The following ZNF592 variants were observed in gnomAD, a reference collection of about 807,000 sequenced individuals.
ZNF592 encodes the protein zinc finger protein 592.
In ZNF592, 11 loss-of-function variants were observed where a neutral mutation model predicts 80.3. That is an observed-to-expected ratio of 0.14 (90% CI 0.09 to 0.23). The LOEUF is 0.23. ZNF592 is among the 10% of genes least tolerant of loss of function. ZNF592 has a pLI of 1.00. For synonymous variants in ZNF592, 646 were observed against 640.3 expected, an observed-to-expected ratio of 1.01 and a Z score of -0.13; for missense variants, 1,420 against 1,633.9, an observed-to-expected ratio of 0.87 and a Z score of 2.26.
rs1567076451 is a variant in ZNF592 at position 84,796,295 on chromosome 15, A to AT, written c.2400-1574_2400-1573insT. Reference sequence around the variant, plus strand: ...TATATATATATATATATATATATATAAAAAAACGAAGGGTAACATTCAGGA... The same window carrying AT: ...TATATATATATATATATATATATATATAAAAAACGAAGGGTAACATTCAGGA... On this transcript the variant is annotated intron_variant, in intron 5 of 10. Transcript: ENST00000560079. Among the ~76,000 whole-genome samples, 176 of 45,492 alleles carry AT rather than the reference A, an allele frequency of 3.9e-3. 1 individual carries two copies. Among genetic ancestry groups the AT allele is most frequent in the East Asian group, 7.6e-3 (8 of 1,056 alleles). 29.8% of individuals were successfully genotyped at this position (45,492 alleles called of 152,430 possible).
In ZNF592 at chr15:84,782,992, A is replaced by T; in HGVS notation, c.317A>T (p.Asn106Ile). The T allele has an allele frequency of 1.2e-6, 2 of 1,614,094 alleles. No homozygotes were observed. The highest frequency in any genetic ancestry group is 1.7e-6 in the Non-Finnish European group (2 of 1,180,012). ...RGSDLPPDPH[N>I]CGKFDSTFMN... ...TCAGATCTGCCTCCAGATCCCCACA[A>T]CTGTGGGAAATTTGATTCTACTTTT... The change falls in exon 4 of 11, where the codon AAC becomes ATC. Residue 106 changes from asparagine (N) to isoleucine (I), a missense_variant. Physicochemically the swap from Asn to Ile is moderately radical, Grantham distance 149. Transcript: ENST00000560079.
At chr15:84,751,878 C>T (rs934443684) in intron 1 of ZNF592, among the ~76,000 whole-genome samples, 4 of 152,106 alleles carry the variant, frequency 2.6e-5, no homozygotes, top group African/African-American at 9.7e-5. Flanking sequence ...GCACTCTAGC[C>T]TGGGTGACAG....
At chr15:84,748,783 A>T (rs1242772031) in intron 1 of ZNF592, 119 bp downstream of exon 1, 1 of 146,726 alleles carries the variant, frequency 6.8e-6, no homozygotes, top group Non-Finnish European at 1.5e-5. Context: ...CCGGCCCTGC[A>T]GCCTGGCGGA....
rs758586555 is a variant in ZNF592 at position 84,804,996 on chromosome 15, C to T, written c.*2603C>T. 3.3e-5 allele frequency: 5 copies of T among 152,150 alleles called. No homozygotes were observed. The highest frequency in any genetic ancestry group is 2.1e-4 in the South Asian group (1 of 4,822). 9.4% of individuals were successfully genotyped at this position (152,150 alleles called of 1,614,324 possible). On this transcript the variant is annotated 3_prime_UTR_variant, in exon 11 of 11. Transcript: ENST00000560079. ...AGTCAAGCCTGTCAACCACTGTGCT[C>T]GTTAGTGACCAAGGCTGCTTTGACA...
Position 84,799,171 on chromosome 15 carries a change from G to A in ZNF592, c.3098G>A (p.Arg1033His), listed in dbSNP as rs1963021339. 4.3e-6 allele frequency: 7 copies of A among 1,614,052 alleles called. No individual in the cohort carries two copies. Among genetic ancestry groups the A allele is most frequent in the African/African-American group, 1.3e-5 (1 of 75,006 alleles). ...HTPNSLRKHIRNNHDTVKKFY... is the reference protein window; with the variant it reads ...HTPNSLRKHIHNNHDTVKKFY... ...CCCAACAGCCTGCGCAAACACATCC[G>A]CAACAACCATGACACAGTAAAGAAG... is the stretch of plus-strand genomic sequence containing the variant. Residue 1033 changes from arginine (R) to histidine (H), a missense_variant, in exon 9 of 11, where the codon CGC becomes CAC. This residue lies in a region of ZNF592 where 331 missense variants were observed against 347.0 expected (regional missense o/e 0.95). Transcript: ENST00000560079. The surrounding 1 kb of genome is among the most constrained non-coding windows in gnomAD (Gnocchi z 4.2).
intron 4 of ZNF592, among the ~76,000 whole-genome samples, chr15:84,787,336 C>A (rs1293773063): frequency 6.6e-6 from 1 of 152,168 alleles, no homozygotes; most frequent in Non-Finnish European, 1.5e-5. Context: ...TCAGCCAGCT[C>A]CAAATCCCTC....
At position 84,784,030 on chromosome 15, in the gene ZNF592, T is replaced by C. The variant is rs1962505901; in HGVS notation, c.1355T>C (p.Met452Thr). 1 of 1,611,862 alleles carries C rather than the reference T, an allele frequency of 6.2e-7. No individual in the cohort carries two copies. Among genetic ancestry groups the C allele is most frequent in the Non-Finnish European group, 8.5e-7 (1 of 1,178,352 alleles). The stretch of plus-strand genomic sequence containing the variant: ...GGGGCCAGGAAAGGGGACGAGAGCA[T>C]GACAAAGGCCAGTGACTCGTCATCT... ...PQGARKGDES[M>T]TKASDSSSPS... The change falls in exon 4 of 11, where the codon ATG becomes ACG. Residue 452 changes from methionine to threonine, a missense_variant. Physicochemically the swap from Met to Thr is moderately conservative, Grantham distance 81 (BLOSUM62 -1). Coordinates refer to ENST00000560079, the MANE Select transcript of ZNF592 (RefSeq NM_014630.3). The surrounding 1 kb of genome is among the most constrained non-coding windows in gnomAD (Gnocchi z 5.8).
Position 84,802,657 on chromosome 15 carries a change from C to T in ZNF592, c.*264C>T, listed in dbSNP as rs925168299. On this transcript the variant is annotated 3_prime_UTR_variant, in exon 11 of 11. Transcript: ENST00000560079. ...TTGGTGCCCCATCTCTTGTCTGTGTCCTTCCAACCCCAAGCTGCTTATGTG... is the reference window on the plus strand; with the variant it reads ...TTGGTGCCCCATCTCTTGTCTGTGTTCTTCCAACCCCAAGCTGCTTATGTG... The T allele has an allele frequency of 3.2e-5, 17 of 532,254 alleles. No individual in the cohort carries two copies. The highest frequency in any genetic ancestry group is 2.0e-4 in the East Asian group (6 of 29,728). The allele number at this position is 532,254 out of a possible 1,614,324, so 33.0% of individuals were successfully genotyped here.
chr15:84,769,131 G>C (rs1899625196), intron 2 of ZNF592, among the ~76,000 whole-genome samples: 1 of 151,998 alleles, frequency 6.6e-6, no homozygotes, highest in African/African-American at 2.4e-5. Context: ...AGTAGAGACA[G>C]GGTTTCACCA....
rs1176419131 is a variant in ZNF592 at position 84,782,724 on chromosome 15, G to C, written c.49G>C (p.Asp17His). 1 of 1,613,952 alleles carries C rather than the reference G, an allele frequency of 6.2e-7. No individual in the cohort carries two copies. Among genetic ancestry groups the C allele is most frequent in the African/African-American group, 1.3e-5 (1 of 74,848 alleles). ...TTTTGATGACCTTCTGGCTGCCTTT[G>C]ACATCCCAGACCCCACCAGCCTTGA... ...PDFDDLLAAF[D>H]IPDPTSLDAK... Residue 17 changes from aspartate (D) to histidine (H), a missense_variant, in exon 4 of 11, where the codon GAC becomes CAC. Coordinates refer to ENST00000560079, the MANE Select transcript of ZNF592 (RefSeq NM_014630.3).
intron 1 of ZNF592, 61 bp downstream of exon 1, chr15:84,748,725 G>A (rs1448770349): frequency 6.8e-6 from 1 of 147,850 alleles, no homozygotes. Flanking sequence ...CCCCAGCCTG[G>A]GCCCGGGAGG....
Position 84,778,276 on chromosome 15 carries a change from A to G in ZNF592, c.-56A>G. The G allele has an allele frequency of 3.5e-6, 1 of 286,368 alleles. No homozygotes were observed. Among genetic ancestry groups the G allele is most frequent in the Non-Finnish European group, 6.9e-6 (1 of 144,006 alleles). The allele number at this position is 286,368 out of a possible 1,614,324, so 17.7% of individuals were successfully genotyped here. On this transcript the variant is annotated 5_prime_UTR_variant, in exon 3 of 11. Transcript: ENST00000560079. The stretch of plus-strand genomic sequence containing the variant: ...AGAGGGAGGGGGGGCTCCAAAGCCG[A>G]AAGAGGAGGTCCCTACCTGCCACGG...
At chr15:84,787,905 C>T (rs1009799009) in intron 4 of ZNF592, among the ~76,000 whole-genome samples, 2 of 152,170 alleles carry the variant, frequency 1.3e-5, no homozygotes, top group East Asian at 1.9e-4. Flanking sequence ...CTAGTAGGCA[C>T]CCTCTTTTCA....
At chr15:84,775,315 C>G (rs1247329113) in intron 2 of ZNF592, among the ~76,000 whole-genome samples, 1 of 151,906 alleles carries the variant, frequency 6.6e-6, no homozygotes. Context: ...AGGCTAGTGT[C>G]GAACTCCTGA....
intron 4 of ZNF592, among the ~76,000 whole-genome samples, chr15:84,785,332 G>C (rs1328295640): frequency 6.6e-6 from 1 of 150,668 alleles, no homozygotes; most frequent in Non-Finnish European, 1.5e-5. Context: ...TTTTTCTTGA[G>C]ACGGAGTCTC....
chr15:84,794,078 C>CTGGG (rs1962824772), intron 5 of ZNF592, among the ~76,000 whole-genome samples: 1 of 151,882 alleles, frequency 6.6e-6, no homozygotes, highest in South Asian at 2.1e-4. Context: ...ACATCACACA[C>CTGGG]TGGGGCCTGT....
At chr15:84,778,852 A>T (rs537954996) in intron 3 of ZNF592, among the ~76,000 whole-genome samples, 1 of 152,188 alleles carries the variant, frequency 6.6e-6, no homozygotes, top group Non-Finnish European at 1.5e-5. Context: ...GGTTCAGTTT[A>T]TAGCATCATT....
Position 84,798,351 on chromosome 15 carries a change from C to T in ZNF592, c.2613C>T (p.Asn871=), listed in dbSNP as rs571623442. The part of the protein sequence containing the change: ...IYKCSCEMVF[N]KKRHIQQHFY... ...AGTGCTCCTGTGAAATGGTCTTCAACAAGAAGAGGCACATTCAGCAGCATT... is the reference window on the plus strand; with the variant it reads ...AGTGCTCCTGTGAAATGGTCTTCAATAAGAAGAGGCACATTCAGCAGCATT... The change falls in exon 7 of 11, where the codon AAC becomes AAT. Residue 871 remains asparagine (N), a synonymous_variant. Coordinates refer to ENST00000560079, the MANE Select transcript of ZNF592 (RefSeq NM_014630.3). This position sits in a 1 kb window ranked among gnomAD's most constrained non-coding sequence, Gnocchi z 4.5. 54 of 1,614,212 alleles carry T rather than the reference C, an allele frequency of 3.3e-5. No individual in the cohort carries two copies. The highest frequency in any genetic ancestry group is 3.3e-5 in the South Asian group (3 of 91,088).
Position 84,799,241 on chromosome 15 carries a change from C to T in ZNF592, c.3137+31C>T. 6.2e-7 allele frequency: 1 copy of T among 1,603,620 alleles called. No individual in the cohort carries two copies. Among genetic ancestry groups the T allele is most frequent in the South Asian group, 1.1e-5 (1 of 90,856 alleles). ...TCCCTGGGGATAGTAGTGAGGAGGC[C>T]TGAGGTTCAAAAGACTCTGTCCGTG... is the stretch of plus-strand genomic sequence containing the variant. On this transcript the variant is annotated intron_variant, in intron 9 of 10. Transcript: ENST00000560079. The surrounding 1 kb of genome is among the most constrained non-coding windows in gnomAD (Gnocchi z 4.2).
Sources: allele counts gnomAD v4.1 joint callset (sites outside exome capture counted in the v4.1 genomes callset), GRCh38; gene constraint gnomAD v4.1.1; regional missense constraint gnomAD v4.1.1; non-coding constraint Gnocchi (gnomAD v3.1); transcripts MANE v1.5; gene names NCBI Gene and HGNC (gene_info 2026-07-23, HGNC 2026-07-21).